The following UPRT variants were observed in gnomAD, a reference collection of about 807,000 sequenced individuals.
The protein encoded by UPRT is RP11-311P8.3.
A neutral mutation model predicts 22.6 loss-of-function variants in UPRT; 5 were observed. The observed-to-expected ratio is 0.22, with a 90% CI of 0.12 to 0.47. The LOEUF is 0.47. Among genes scored for constraint, UPRT ranks in the 20% least tolerant of loss-of-function variants. UPRT has a pLI of 0.99. For missense variants in UPRT, 181 were observed against 239.9 expected, an observed-to-expected ratio of 0.75 and a Z score of 1.62; for synonymous variants, 77 against 87.7, an observed-to-expected ratio of 0.88 and a Z score of 0.68.
intron 3 of UPRT, among the ~76,000 whole-genome samples, chrX:75,163,622 G>T (rs1283728130): frequency 8.9e-6 from 1 of 111,952 alleles, no homozygotes; most frequent in Non-Finnish European, 1.9e-5. Flanking sequence ...CTACACAAAA[G>T]CCTGAACATG....
chrX:75,185,371 C>A (rs1273220995), intron 4 of UPRT, among the ~76,000 whole-genome samples: 3 of 111,526 alleles, frequency 2.7e-5, no homozygotes, highest in Non-Finnish European at 3.8e-5. Flanking sequence ...GGGATGAAGC[C>A]CACTTGATCA....
At chrX:75,242,244 A>T (rs1436444308) in intron 4 of UPRT, among the ~76,000 whole-genome samples, 1 of 111,283 alleles carries the variant, frequency 9.0e-6, no homozygotes, top group East Asian at 2.8e-4. Context: ...TAGTTAATAG[A>T]TTTTTGTTCA....
intron 4 of UPRT, among the ~76,000 whole-genome samples, chrX:75,250,472 A>G (rs1271451991): frequency 8.9e-6 from 1 of 112,070 alleles, no homozygotes; most frequent in Non-Finnish European, 1.9e-5. Flanking sequence ...AGAAATGGAT[A>G]AATTCCTCGA....
chrX:75,259,508 CAG>C (rs1307428137), intron 4 of UPRT, among the ~76,000 whole-genome samples: 2 of 107,338 alleles, frequency 1.9e-5, no homozygotes, highest in Non-Finnish European at 3.8e-5. Context: ...GAAAGGATAT[CAG>C]AGATTGAAGA....
chrX:75,220,672 A>G (rs1183687506), intron 4 of UPRT, among the ~76,000 whole-genome samples: 2 of 112,126 alleles, frequency 1.8e-5, no homozygotes, highest in Non-Finnish European at 3.8e-5. Flanking sequence ...TGCATAAAAA[A>G]TTAAATGAGA....
At chrX:75,192,046 G>A (rs765826176) in intron 4 of UPRT, among the ~76,000 whole-genome samples, 25 of 111,524 alleles carry the variant, frequency 2.2e-4, no homozygotes, top group Non-Finnish European at 3.0e-4. Context: ...TGTTTTCTGC[G>A]TCACTCATGC....
chrX:75,161,500 AC>A (rs746595260), intron 2 of UPRT, among the ~76,000 whole-genome samples: 67 of 112,862 alleles, frequency 5.9e-4, no homozygotes, highest in Non-Finnish European at 1.1e-3. Flanking sequence ...AAAATCTTTT[AC>A]AAATTTGTAA....
At chrX:75,235,327 G>C (rs2082457665) in intron 4 of UPRT, among the ~76,000 whole-genome samples, 1 of 111,639 alleles carries the variant, frequency 9.0e-6, no homozygotes, top group South Asian at 3.8e-4. Context: ...TCCAGGACCA[G>C]ATGGATTCAC....
intron 4 of UPRT, among the ~76,000 whole-genome samples, chrX:75,245,875 T>G (rs1479061155): frequency 9.0e-6 from 1 of 111,489 alleles, no homozygotes; most frequent in East Asian, 2.8e-4. Flanking sequence ...AAATAATCTG[T>G]ATATCAACCC....
At chrX:75,162,106 C>CTTTTTTTTTTT (rs5902736) in intron 2 of UPRT, among the ~76,000 whole-genome samples, 9 of 78,940 alleles carry the variant, frequency 1.1e-4, no homozygotes, top group Admixed American at 1.5e-4. Context: ...TCTTTCTTTT[C>CTTTTTTTTTTT]TTTTTTTTTT....
chrX:75,264,054 C>G lies in UPRT; in HGVS notation c.-446-26970C>G, dbSNP rs776049748. On this transcript the variant is annotated intron_variant, in intron 4 of 13. Transcript: ENST00000652605. ...TGAGTGAGTTTCTTAATCCTGAGTT[C>G]TAGTTTGATTGCACTGTGGTCTGAG... Among the ~76,000 whole-genome samples, 821 of 111,748 alleles carry G rather than the reference C, an allele frequency of 7.3e-3. 4 individuals are homozygous for G. The highest frequency in any genetic ancestry group is 0.013 in the Non-Finnish European group (680 of 53,145).
intron 4 of UPRT, among the ~76,000 whole-genome samples, chrX:75,189,802 G>A (rs139747553): frequency 0.029 from 3,197 of 111,061 alleles, 117 homozygotes; most frequent in African/African-American, 0.1. Flanking sequence ...CTAGTATTGC[G>A]ACCCTTGCCT....
intron 1 of UPRT, among the ~76,000 whole-genome samples, chrX:75,159,713 C>T (rs1412200694): frequency 9.1e-6 from 1 of 110,363 alleles, no homozygotes; most frequent in East Asian, 2.8e-4. Context: ...AACGTAATCA[C>T]CATGTACCTA....
chrX:75,300,984 A>C lies in UPRT; in HGVS notation c.823+19A>C, dbSNP rs1489139191. 8.9e-7 allele frequency: 1 copy of C among 1,122,446 alleles called. No homozygotes were observed. Among genetic ancestry groups the C allele is most frequent in the Non-Finnish European group, 1.2e-6 (1 of 822,203 alleles). 92.5% of individuals were successfully genotyped at this position (1,122,446 alleles called of 1,213,427 possible). On this transcript the variant is annotated intron_variant, in intron 6 of 6. Coordinates refer to ENST00000373383, the MANE Select transcript of UPRT (RefSeq NM_145052.4). The stretch of plus-strand genomic sequence containing the variant: ...CCTCATGGTGAGTTCAGCATGAGGC[A>C]GTAACTAGGGCTCCATATAGTCCTG...
chrX:75,222,749 G>T (rs2082413810), intron 4 of UPRT, among the ~76,000 whole-genome samples: 1 of 110,564 alleles, frequency 9.0e-6, no homozygotes, highest in Admixed American at 9.6e-5. Context: ...CTTACCTCTG[G>T]CCCAATGCAG....
At chrX:75,208,413 A>T (rs758134147) in intron 4 of UPRT, among the ~76,000 whole-genome samples, 1 of 111,980 alleles carries the variant, frequency 8.9e-6, no homozygotes, top group East Asian at 2.8e-4. Flanking sequence ...GTGGAAGTAC[A>T]GTCCATATTA....
intron 4 of UPRT, among the ~76,000 whole-genome samples, chrX:75,252,984 T>C (rs2082536751): frequency 9.0e-6 from 1 of 110,749 alleles, no homozygotes; most frequent in South Asian, 3.9e-4. Context: ...TAGGTGAGAA[T>C]TGAACAATGA....
chrX:75,283,511 C>T (rs1402808896), intron 1 of UPRT, among the ~76,000 whole-genome samples: 1 of 111,155 alleles, frequency 9.0e-6, no homozygotes, highest in Admixed American at 9.5e-5. Context: ...ATTCTCTTAG[C>T]CTTTGTCTGA....
At chrX:75,188,792 G>T (rs1331420955) in intron 4 of UPRT, among the ~76,000 whole-genome samples, 1 of 112,002 alleles carries the variant, frequency 8.9e-6, no homozygotes, top group East Asian at 2.8e-4. Context: ...TCTTCCAGGT[G>T]CCGTCTGTCA....
Sources: gnomAD v4.1 joint callset for allele counts (sites outside exome capture counted in the v4.1 genomes callset) on GRCh38, gnomAD v4.1.1 for gene constraint, MANE v1.5 for transcripts, NCBI Gene and HGNC (gene_info 2026-07-23, HGNC 2026-07-21) for gene names.